USP18: variants seen among roughly 807,000 people sequenced by gnomAD.
USP18 encodes ubiquitin specific peptidase 18.
In USP18, 11 loss-of-function variants were observed where a neutral mutation model predicts 48.7. That is an observed-to-expected ratio of 0.23 (90% CI 0.14 to 0.37). USP18 has a LOEUF of 0.37. USP18 is among the 10% of genes least tolerant of loss of function. USP18 has a pLI of 1.00. For missense variants in USP18, 285 were observed against 436.4 expected (o/e 0.65, Z 3.09); for synonymous variants, 114 against 163.2 (o/e 0.70, Z 2.30).
In USP18 at chr22:18,157,586, C is replaced by A. The variant is rs981103928; in HGVS notation, c.-78C>A. The A allele has an allele frequency of 6.3e-7, 1 of 1,577,956 alleles. No homozygotes were observed. Reference sequence around the variant, plus strand: ...TTCCATCGTGCCTGGCTCACATAAGCGCTTCCTGGAAGTGAAGTCGTGCTG... The same window carrying A: ...TTCCATCGTGCCTGGCTCACATAAGAGCTTCCTGGAAGTGAAGTCGTGCTG... On this transcript the variant is annotated 5_prime_UTR_variant, in exon 2 of 11. Transcript: ENST00000215794.
chr22:18,163,235 C>T (rs1036830843), intron 4 of USP18, among the ~76,000 whole-genome samples: 21 of 152,206 alleles, frequency 1.4e-4, no homozygotes, highest in Admixed American at 7.2e-4. Context: ...CACTTATCTT[C>T]ATTTCACCAG....
At chr22:18,150,924 C>T (rs1167067053) in intron 1 of USP18, among the ~76,000 whole-genome samples, 1 of 152,228 alleles carries the variant, frequency 6.6e-6, no homozygotes, top group Non-Finnish European at 1.5e-5. Flanking sequence ...GCACTCCAGC[C>T]TGGGCGACAG....
intron 4 of USP18, among the ~76,000 whole-genome samples, 191 bp downstream of exon 4, chr22:18,162,126 A>T (rs1288165460): frequency 1.3e-5 from 2 of 152,144 alleles, no homozygotes; most frequent in Non-Finnish European, 2.9e-5. Flanking sequence ...TTATTTATGG[A>T]CATTTTACTT....
chr22:18,175,012 C>T (rs1929745591), intron 10 of USP18, among the ~76,000 whole-genome samples: 1 of 152,144 alleles, frequency 6.6e-6, no homozygotes, highest in African/African-American at 2.4e-5. Flanking sequence ...CTCGTGGGTT[C>T]ATGCCATTCT....
At chr22:18,173,335 A>C in intron 9 of USP18, 54 bp downstream of exon 9, 1 of 1,582,496 alleles carries the variant, frequency 6.3e-7, no homozygotes, top group South Asian at 1.2e-5. Flanking sequence ...ACCTCTAGCA[A>C]ATGCTGGGCT....
At chr22:18,153,893 C>A (rs1929063077) in intron 1 of USP18, among the ~76,000 whole-genome samples, 1 of 151,988 alleles carries the variant, frequency 6.6e-6, no homozygotes, top group Non-Finnish European at 1.5e-5. Context: ...TACAGGATTT[C>A]ATTCTCTTGT....
intron 4 of USP18, among the ~76,000 whole-genome samples, chr22:18,165,037 G>T (rs1569210945): frequency 1.3e-5 from 2 of 148,660 alleles, no homozygotes; most frequent in Admixed American, 6.7e-5. Context: ...TGGTTTCTGG[G>T]TTTCTTTCAG....
At chr22:18,157,065 C>T (rs1037100985) in intron 1 of USP18, among the ~76,000 whole-genome samples, 3 of 152,192 alleles carry the variant, frequency 2.0e-5, no homozygotes, top group Admixed American at 1.3e-4. Flanking sequence ...TGCCTAAGGC[C>T]GACAGGTAGC....
At chr22:18,155,657 G>T (rs116495722) in intron 1 of USP18, among the ~76,000 whole-genome samples, 1 of 152,200 alleles carries the variant, frequency 6.6e-6, no homozygotes, top group Non-Finnish European at 1.5e-5. Flanking sequence ...GGCAGTAAGG[G>T]GCTTAGCACT....
chr22:18,152,541 A>G (rs971120026), intron 1 of USP18, among the ~76,000 whole-genome samples: 1 of 151,352 alleles, frequency 6.6e-6, no homozygotes, highest in Non-Finnish European at 1.5e-5. Flanking sequence ...TGTTTGAGAC[A>G]GAGTCTCAAA....
chr22:18,153,987 C>G (rs1394505200), intron 1 of USP18, among the ~76,000 whole-genome samples: 2 of 151,612 alleles, frequency 1.3e-5, no homozygotes, highest in East Asian at 3.9e-4. Context: ...TAGGTTGATT[C>G]CGTATCTCGG....
chr22:18,173,304 G>A (rs1398453311), intron 9 of USP18, 23 bp downstream of exon 9: 11 of 1,570,634 alleles, frequency 7.0e-6, no homozygotes, highest in East Asian at 2.2e-5. Context: ...ATCCACAATT[G>A]CCTCCTGCCC....
intron 10 of USP18, among the ~76,000 whole-genome samples, chr22:18,174,505 C>T (rs1929727389): frequency 1.3e-5 from 2 of 152,320 alleles, no homozygotes; most frequent in Admixed American, 6.5e-5. Flanking sequence ...GCTGGGATTA[C>T]AGGCATGAGC....
At chr22:18,168,166 G>T (rs1000586643) in intron 6 of USP18, 130 bp downstream of exon 6, 20 of 1,437,160 alleles carry the variant, frequency 1.4e-5, no homozygotes, top group East Asian at 9.7e-5. Flanking sequence ...AGGTTGAGGG[G>T]CTGCACCTGG....
chr22:18,154,649 C>T (rs185864544), intron 1 of USP18, among the ~76,000 whole-genome samples: 98 of 151,272 alleles, frequency 6.5e-4, no homozygotes, highest in African/African-American at 2.3e-3. Flanking sequence ...GTATGTTGCC[C>T]GGGCTAGTCT....
intron 1 of USP18, among the ~76,000 whole-genome samples, chr22:18,156,665 T>C (rs562393948): frequency 1.1e-4 from 17 of 151,738 alleles, no homozygotes; most frequent in South Asian, 6.3e-4. Context: ...TATTAGGAGC[T>C]GTAACACTCA....
intron 4 of USP18, among the ~76,000 whole-genome samples, chr22:18,163,523 G>T (rs1293231964): frequency 6.6e-6 from 1 of 151,834 alleles, no homozygotes; most frequent in African/African-American, 2.4e-5. Context: ...GGCGCCTGTA[G>T]TCCCAGCTAC....
At chr22:18,160,506 G>A (rs2543717) in intron 3 of USP18, among the ~76,000 whole-genome samples, 40,754 of 151,786 alleles carry the variant, frequency 0.27, 6,744 homozygotes, top group East Asian at 0.63. Flanking sequence ...GTTTCACCGT[G>A]TTAGCCAGGA....
intron 3 of USP18, among the ~76,000 whole-genome samples, chr22:18,160,882 G>GC (rs1291783750): frequency 6.7e-6 from 1 of 149,162 alleles, no homozygotes; most frequent in Non-Finnish European, 1.5e-5. Flanking sequence ...GGATTCTCCT[G>GC]CCTCAGCCTC....
Sources: gnomAD v4.1 joint callset for allele counts (sites outside exome capture counted in the v4.1 genomes callset) on GRCh38, gnomAD v4.1.1 for gene constraint, MANE v1.5 for transcripts, NCBI Gene and HGNC (gene_info 2026-07-23, HGNC 2026-07-21) for gene names.